TNNI3K: variants seen among roughly 807,000 people sequenced by gnomAD.
The protein encoded by TNNI3K is TNNI3 interacting kinase.
Under a neutral mutation model 114.5 loss-of-function variants are expected in TNNI3K, and 140 were observed. The observed-to-expected ratio is 1.22, with a 90% CI of 1.07 to 1.41. The LOEUF (loss-of-function observed/expected upper bound fraction) is 1.41. Among genes scored for constraint, TNNI3K ranks in the 40% most tolerant of loss-of-function variants. TNNI3K has a pLI of 0.00. For synonymous variants in TNNI3K, 347 were observed against 347.5 expected (o/e 1.00, Z 0.02); for missense variants, 1,125 against 1,007.6 (o/e 1.12, Z -1.58).
intron 23 of TNNI3K, among the ~76,000 whole-genome samples, chr1:74,504,934 C>G (rs74599296): frequency 3.3e-5 from 5 of 152,144 alleles, no homozygotes; most frequent in Non-Finnish European, 5.9e-5. Context: ...AGAGAACCTG[C>G]GAAGATTCGC....
At chr1:74,446,774 C>G (rs1239617658) in intron 20 of TNNI3K, among the ~76,000 whole-genome samples, 1 of 145,622 alleles carries the variant, frequency 6.9e-6, no homozygotes, top group East Asian at 2.0e-4. Flanking sequence ...GCCAGTTTTC[C>G]CAGCACCATT....
chr1:74,480,971 G>A, intron 21 of TNNI3K: 1 of 705,076 alleles, frequency 1.4e-6, no homozygotes. Flanking sequence ...AGGGGCTGCT[G>A]TGGGGAAAAA....
At chr1:74,417,493 C>T (rs1348943970) in intron 17 of TNNI3K, among the ~76,000 whole-genome samples, 1 of 152,088 alleles carries the variant, frequency 6.6e-6, no homozygotes, top group East Asian at 1.9e-4. Flanking sequence ...CTCTTCTTCT[C>T]TCTGTTCTTC....
chr1:74,249,461 C>T lies in TNNI3K; in HGVS notation c.152C>T (p.Ser51Phe). The T allele has an allele frequency of 6.2e-7, 1 of 1,611,230 alleles. No individual in the cohort carries two copies. Among genetic ancestry groups the T allele is most frequent in the East Asian group, 2.2e-5 (1 of 44,716 alleles). The change falls in exon 3 of 25, where the codon TCT (serine) becomes TTT (phenylalanine). Residue 51 changes from serine (S) to phenylalanine (F), a missense_variant and splice_region_variant. Physicochemically the swap from Ser to Phe is radical, Grantham distance 155. Coordinates refer to ENST00000326637, the MANE Select transcript of TNNI3K (RefSeq NM_015978.3). Reference protein sequence around the residue: ...ELTELRNIFGSDEAFSKVNLN... With the variant: ...ELTELRNIFGFDEAFSKVNLN... ...CATCTGTAACATGTTTTTTTCAGCT[C>T]TGATGAAGCCTTCAGTAAAGTCAAT...
chr1:74,470,516 T>C (rs1477391120), intron 21 of TNNI3K: 1 of 400,608 alleles, frequency 2.5e-6, no homozygotes, highest in Admixed American at 4.4e-5. Context: ...CTGATATCCT[T>C]GGGAAGTTCT....
chr1:74,343,038 G>T, intron 8 of TNNI3K, 37 bp from the exon 9 acceptor site: 1 of 1,613,250 alleles, frequency 6.2e-7, no homozygotes, highest in Non-Finnish European at 8.5e-7. Flanking sequence ...GCATGTACTT[G>T]CTTACAATAT....
intron 23 of TNNI3K, among the ~76,000 whole-genome samples, chr1:74,510,739 A>G (rs1477672782): frequency 6.6e-6 from 1 of 152,214 alleles, no homozygotes; most frequent in Non-Finnish European, 1.5e-5. Context: ...GCTAGCATTG[A>G]AAAGTTCATG....
chr1:74,487,415 G>A (rs138236864), intron 21 of TNNI3K, among the ~76,000 whole-genome samples: 1 of 152,150 alleles, frequency 6.6e-6, no homozygotes, highest in African/African-American at 2.4e-5. Context: ...AGAGTGAATG[G>A]ACTAGAAATA....
chr1:74,281,177 C>A (rs77348319), intron 5 of TNNI3K, among the ~76,000 whole-genome samples: 197 of 152,142 alleles, frequency 1.3e-3, no homozygotes, highest in African/African-American at 4.6e-3. Flanking sequence ...GAGTGGTAGC[C>A]AAGAAATAGT....
chr1:74,430,773 C>T (rs1002572812), intron 17 of TNNI3K, among the ~76,000 whole-genome samples: 3 of 152,118 alleles, frequency 2.0e-5, no homozygotes, highest in Non-Finnish European at 4.4e-5. Flanking sequence ...AATCCAAATA[C>T]TGTGGTATCA....
intron 17 of TNNI3K, among the ~76,000 whole-genome samples, chr1:74,386,492 T>G (rs770273343): frequency 6.6e-6 from 1 of 152,148 alleles, no homozygotes; most frequent in Non-Finnish European, 1.5e-5. Context: ...TAATGAAATT[T>G]GATACAGTAA....
chr1:74,374,081 T>C (rs1002672934), intron 17 of TNNI3K: 1 of 152,048 alleles, frequency 6.6e-6, no homozygotes, highest in Admixed American at 6.6e-5. Flanking sequence ...GTAAATAGTT[T>C]TTGCACTATA....
chr1:74,343,651 C>A (rs1055456956), intron 9 of TNNI3K, among the ~76,000 whole-genome samples: 5 of 152,108 alleles, frequency 3.3e-5, no homozygotes, highest in African/African-American at 1.2e-4. Flanking sequence ...CATCTGTCAG[C>A]CTGTAAAAGC....
intron 4 of TNNI3K, among the ~76,000 whole-genome samples, chr1:74,256,500 C>A (rs1011475191): frequency 1.3e-5 from 2 of 151,654 alleles, no homozygotes; most frequent in Admixed American, 6.6e-5. Context: ...TGTGAGGGAA[C>A]TTTATCTATT....
intron 23 of TNNI3K, among the ~76,000 whole-genome samples, chr1:74,528,085 G>A (rs1646530770): frequency 6.6e-6 from 1 of 152,154 alleles, no homozygotes; most frequent in Non-Finnish European, 1.5e-5. Flanking sequence ...TGTATGAGAA[G>A]GGTGGAGAGA....
At chr1:74,283,431 G>A (rs917231651) in intron 5 of TNNI3K, among the ~76,000 whole-genome samples, 1 of 152,132 alleles carries the variant, frequency 6.6e-6, no homozygotes, top group African/African-American at 2.4e-5. Context: ...ATAAAAGGAC[G>A]CTAGCTTGTC....
chr1:74,256,283 CTTTTTTTTTTTTTTTT>C (rs61636791), intron 4 of TNNI3K, among the ~76,000 whole-genome samples: 216 of 42,810 alleles, frequency 5.0e-3, no homozygotes, highest in East Asian at 0.044. Context: ...TGTGGTCAGT[CTTTTTTTTTTTTTTTT>C]TTTTTTTTTT....
chr1:74,535,184 T>G (rs1270352455), intron 23 of TNNI3K, among the ~76,000 whole-genome samples: 2 of 152,132 alleles, frequency 1.3e-5, no homozygotes, highest in African/African-American at 4.8e-5. Flanking sequence ...CATGAATGCC[T>G]TATAAAGAAT....
At chr1:74,458,297 C>T (rs1395865409) in intron 20 of TNNI3K, among the ~76,000 whole-genome samples, 1 of 152,174 alleles carries the variant, frequency 6.6e-6, no homozygotes, top group Non-Finnish European at 1.5e-5. Flanking sequence ...ACTCTGTCTT[C>T]CCTGCTTCAT....
Sources: allele counts gnomAD v4.1 joint callset (sites outside exome capture counted in the v4.1 genomes callset), GRCh38; gene constraint gnomAD v4.1.1; transcripts MANE v1.5; gene names NCBI Gene and HGNC (gene_info 2026-07-23, HGNC 2026-07-21).